DLGAP2: variants seen among roughly 807,000 people sequenced by gnomAD.
DLGAP2 encodes the protein disks large-associated protein 2.
In DLGAP2, 26 loss-of-function variants were observed where a neutral mutation model predicts 100.3. That is an observed-to-expected ratio of 0.26 (90% CI 0.19 to 0.36). The LOEUF (loss-of-function observed/expected upper bound fraction) is 0.36. Ranked by LOEUF, DLGAP2 falls within the 10% of genes least tolerant of loss-of-function variation. The pLI is 1.00. For synonymous variants in DLGAP2, 886 were observed against 630.1 expected, an observed-to-expected ratio of 1.41 and a Z score of -6.08; for missense variants, 1,858 against 1,453.2, an observed-to-expected ratio of 1.28 and a Z score of -4.53.
intron 1 of DLGAP2, among the ~76,000 whole-genome samples, chr8:822,893 G>T (rs1317738986): frequency 6.6e-6 from 1 of 152,224 alleles, no homozygotes; most frequent in Non-Finnish European, 1.5e-5. Flanking sequence ...ACAAAGAGCA[G>T]ATTGGAGAGG....
At chr8:1,499,866 C>T (rs1279820575) in intron 3 of DLGAP2, among the ~76,000 whole-genome samples, 3 of 151,788 alleles carry the variant, frequency 2.0e-5, no homozygotes, top group Non-Finnish European at 4.4e-5. Flanking sequence ...TTGAAAATGG[C>T]AGATGCCGAT....
chr8:1,533,171 T>C (rs1333727596), intron 4 of DLGAP2, among the ~76,000 whole-genome samples: 1 of 151,512 alleles, frequency 6.6e-6, no homozygotes, highest in Non-Finnish European at 1.5e-5. Context: ...CATAAATCCA[T>C]ATTGATGTTG....
Position 1,504,283 on chromosome 8 carries a change from C to T in DLGAP2, c.172+2852C>T, listed in dbSNP as rs145510475. Among the ~76,000 whole-genome samples the T allele has an allele frequency of 4.8e-4, 73 of 152,018 alleles. 1 individual carries two copies. The highest frequency in any genetic ancestry group is 3.3e-3 in the South Asian group (16 of 4,804). Reference sequence around the variant, plus strand: ...TTCTAGCTTTATTAAGTTATATTCACGGATATAAATTGTGTGTATAGTATA... The same window carrying T: ...TTCTAGCTTTATTAAGTTATATTCATGGATATAAATTGTGTGTATAGTATA... On this transcript the variant is annotated intron_variant, in intron 4 of 14. Transcript: ENST00000637795.
intron 2 of DLGAP2, among the ~76,000 whole-genome samples, chr8:1,238,715 A>T (rs369108777): frequency 1.7e-5 from 1 of 58,958 alleles, no homozygotes; most frequent in Admixed American, 1.7e-4. Flanking sequence ...ACAGAGCATC[A>T]TGTCTAGTTC....
intron 1 of DLGAP2, among the ~76,000 whole-genome samples, chr8:829,937 G>A (rs754791847): frequency 2.0e-5 from 3 of 152,134 alleles, no homozygotes; most frequent in Non-Finnish European, 2.9e-5. Flanking sequence ...TGACAACAAT[G>A]TTCAATTCTC....
In DLGAP2 at chr8:1,703,223, G is replaced by C. The variant is rs1799622199; in HGVS notation, c.*1817G>C. The C allele has an allele frequency of 6.6e-6, 1 of 152,226 alleles. No homozygotes were observed. Among genetic ancestry groups the C allele is most frequent in the South Asian group, 2.1e-4 (1 of 4,820 alleles). 9.4% of individuals were successfully genotyped at this position (152,226 alleles called of 1,614,324 possible). On this transcript the variant is annotated 3_prime_UTR_variant, in exon 15 of 15. Coordinates refer to ENST00000637795, the MANE Select transcript of DLGAP2 (RefSeq NM_001346810.2). ...ACCCTGTAAATTGAGCCTCATGTCT[G>C]GTATATATTTTACCAAACAGCCTTA...
At chr8:966,672 T>C (rs906500523) in intron 2 of DLGAP2, among the ~76,000 whole-genome samples, 3 of 152,240 alleles carry the variant, frequency 2.0e-5, no homozygotes, top group African/African-American at 7.2e-5. Flanking sequence ...TCTTTTATCC[T>C]CTTTCACGGT....
intron 2 of DLGAP2, among the ~76,000 whole-genome samples, chr8:996,786 T>A (rs1449830708): frequency 6.6e-6 from 1 of 152,192 alleles, no homozygotes; most frequent in Non-Finnish European, 1.5e-5. Flanking sequence ...AGGAGAATCA[T>A]AAGTGTGAGT....
chr8:1,088,970 C>T (rs1804077157), intron 2 of DLGAP2, among the ~76,000 whole-genome samples: 2 of 132,524 alleles, frequency 1.5e-5, no homozygotes, highest in Non-Finnish European at 3.2e-5. Context: ...ACTCTCTCCA[C>T]CCCTCATCCA....
At chr8:1,520,667 T>G (rs1800564404) in intron 4 of DLGAP2, among the ~76,000 whole-genome samples, 2 of 152,150 alleles carry the variant, frequency 1.3e-5, no homozygotes, top group African/African-American at 4.8e-5. Flanking sequence ...GAATGACCCA[T>G]GGATTCAAAG....
At chr8:1,266,321 C>T (rs372248070) in intron 3 of DLGAP2, among the ~76,000 whole-genome samples, 3 of 152,194 alleles carry the variant, frequency 2.0e-5, no homozygotes, top group East Asian at 1.9e-4. Context: ...ATTTGCAGGA[C>T]GCTTCTGGTT....
In DLGAP2 at chr8:870,927, G is replaced by A. The variant is rs938015685; in HGVS notation, c.19-36985G>A. Among the ~76,000 whole-genome samples the A allele has an allele frequency of 4.6e-5, 7 of 152,132 alleles. 1 individual carries two copies. Among genetic ancestry groups the A allele is most frequent in the African/African-American group, 1.7e-4 (7 of 41,416 alleles). ...AGCAGGTCTCTGTGACCATCCTGTG[G>A]TCATTCCCCTAATTCCAAAATGCGT... On this transcript the variant is annotated intron_variant, in intron 1 of 14. Coordinates refer to ENST00000637795, the MANE Select transcript of DLGAP2 (RefSeq NM_001346810.2).
chr8:789,888 A>G (rs951171496), intron 1 of DLGAP2, among the ~76,000 whole-genome samples: 1 of 152,258 alleles, frequency 6.6e-6, no homozygotes, highest in African/African-American at 2.4e-5. Context: ...AGCTGGAGAC[A>G]TGAAGCCAGG....
At chr8:1,619,130 C>G (rs2956962) in intron 6 of DLGAP2, among the ~76,000 whole-genome samples, 1 of 152,086 alleles carries the variant, frequency 6.6e-6, no homozygotes, top group African/African-American at 2.4e-5. Context: ...CAGAATATGT[C>G]AAGAACTCCT....
intron 2 of DLGAP2, among the ~76,000 whole-genome samples, chr8:972,194 C>T (rs914811674): frequency 2.6e-5 from 4 of 152,184 alleles, no homozygotes; most frequent in African/African-American, 9.7e-5. Context: ...AAATCTCACC[C>T]TAAAGTTTCA....
chr8:1,106,242 A>G (rs973557208), intron 2 of DLGAP2, among the ~76,000 whole-genome samples: 2 of 147,978 alleles, frequency 1.4e-5, no homozygotes, highest in African/African-American at 5.0e-5. Flanking sequence ...CCATTCTAGG[A>G]GGGTTTTCTA....
chr8:1,039,518 A>G (rs34170835), intron 2 of DLGAP2, among the ~76,000 whole-genome samples: 34 of 84,376 alleles, frequency 4.0e-4, no homozygotes, highest in East Asian at 1.3e-3. Context: ...CTCGGTGTGC[A>G]TGTTCAGCTC....
At chr8:911,123 G>A (rs1798476286) in intron 2 of DLGAP2, among the ~76,000 whole-genome samples, 2 of 152,164 alleles carry the variant, frequency 1.3e-5, no homozygotes, top group Non-Finnish European at 2.9e-5. Context: ...TTTATAGCCA[G>A]GTGTTCCTCC....
At chr8:1,104,457 G>T (rs1436413669) in intron 2 of DLGAP2, among the ~76,000 whole-genome samples, 1 of 152,224 alleles carries the variant, frequency 6.6e-6, no homozygotes, top group African/African-American at 2.4e-5. Flanking sequence ...CACGGCACGT[G>T]TGGGCCAGAG....
Sources: allele counts gnomAD v4.1 joint callset (sites outside exome capture counted in the v4.1 genomes callset), GRCh38; gene constraint gnomAD v4.1.1; transcripts MANE v1.5; gene names NCBI Gene and HGNC (gene_info 2026-07-23, HGNC 2026-07-21).